The following DOCK9 variants were observed in gnomAD, a reference collection of about 807,000 sequenced individuals.
DOCK9 encodes the protein dedicator of cytokinesis protein 9.
In DOCK9, 89 loss-of-function variants were observed where a neutral mutation model predicts 263.3. The observed-to-expected ratio is 0.34, with a 90% confidence interval of 0.28 to 0.40. The LOEUF (loss-of-function observed/expected upper bound fraction) is 0.40, where lower values mean the gene tolerates loss of function less well. Ranked by LOEUF, DOCK9 falls within the 10% of genes least tolerant of loss-of-function variation. The probability of loss-of-function intolerance (pLI) is 1.00; values close to 1 mark genes in which losing one functional copy is unlikely to be tolerated. For synonymous variants in DOCK9, 976 were observed against 973.1 expected, an observed-to-expected ratio of 1.00 and a Z score of -0.06; for missense variants, 2,140 against 2,603.4, an observed-to-expected ratio of 0.82 and a Z score of 3.87.
chr13:99,020,502 G>T (rs1885965417), intron 1 of DOCK9, among the ~76,000 whole-genome samples: 2 of 152,140 alleles, frequency 1.3e-5, no homozygotes, highest in Admixed American at 1.3e-4. Flanking sequence ...ACAAACCTCA[G>T]CCATGCAGCC....
At chr13:98,885,384 G>A (rs1310686342) in intron 20 of DOCK9, 2 of 528,816 alleles carry the variant, frequency 3.8e-6, no homozygotes, top group Non-Finnish European at 6.8e-6. Context: ...TGGGCAGACT[G>A]CTTGAGCTCA....
chr13:99,045,003 G>A (rs1206484604), intron 1 of DOCK9, among the ~76,000 whole-genome samples: 8 of 152,206 alleles, frequency 5.3e-5, no homozygotes, highest in African/African-American at 1.9e-4. Context: ...CCTTCTTCAA[G>A]AGATGTCTCA....
intron 45 of DOCK9, among the ~76,000 whole-genome samples, chr13:98,813,537 G>C (rs75905642): frequency 0.017 from 2,613 of 152,232 alleles, 36 homozygotes; most frequent in East Asian, 0.051. Flanking sequence ...TTTCAATGCA[G>C]AGCCAGCTAT....
Position 98,999,316 on chromosome 13 carries a change from A to ACACACTCTCT in DOCK9, c.130-43766_130-43765insAGAGAGTGTG. Among the ~76,000 whole-genome samples, 277 of 138,362 alleles carry ACACACTCTCT rather than the reference A, an allele frequency of 2.0e-3. 2 individuals are homozygous for ACACACTCTCT. The highest frequency in any genetic ancestry group is 5.0e-3 in the African/African-American group (177 of 35,540). 90.8% of individuals were successfully genotyped at this position (138,362 alleles called of 152,430 possible). A position where few individuals can be genotyped will look rare whatever the true frequency, so the allele number is the denominator to read the frequency against. On this transcript the variant is annotated intron_variant, in intron 1 of 32. Transcript: ENST00000427887. ...CACACACACACACACACACACACAC[A>ACACACTCTCT]CTCTCTCTCTCTCTCTCTCTGGAAG... is the stretch of plus-strand genomic sequence containing the variant.
intron 3 of DOCK9, among the ~76,000 whole-genome samples, chr13:98,928,365 T>A (rs904209162): frequency 6.6e-6 from 1 of 152,188 alleles, no homozygotes; most frequent in African/African-American, 2.4e-5. Flanking sequence ...AGCCATTAGG[T>A]CATTCCCTGG....
chr13:98,898,626 A>C (rs1051216519), intron 13 of DOCK9, among the ~76,000 whole-genome samples: 2 of 152,232 alleles, frequency 1.3e-5, no homozygotes, highest in African/African-American at 2.4e-5. Context: ...TATCCATATC[A>C]AAATATATCA....
chr13:98,867,870 T>A, intron 29 of DOCK9, 58 bp downstream of exon 29: 1 of 1,444,444 alleles, frequency 6.9e-7, no homozygotes, highest in Non-Finnish European at 9.5e-7. Flanking sequence ...AAAAAGATAA[T>A]TCTACCAGAG....
intron 27 of DOCK9, among the ~76,000 whole-genome samples, chr13:98,874,131 C>T (rs2094262522): frequency 6.6e-6 from 1 of 152,222 alleles, no homozygotes. Flanking sequence ...AGAGAAAGTA[C>T]ATCTGTTGTC....
At chr13:99,045,536 C>A (rs550130260) in intron 1 of DOCK9, among the ~76,000 whole-genome samples, 2 of 152,056 alleles carry the variant, frequency 1.3e-5, no homozygotes, top group African/African-American at 4.8e-5. Context: ...TAAAAAGATA[C>A]AAAATTTCAG....
intron 15 of DOCK9, among the ~76,000 whole-genome samples, chr13:98,891,428 A>G (rs1943509550): frequency 1.3e-5 from 2 of 152,188 alleles, no homozygotes; most frequent in Admixed American, 1.3e-4. Flanking sequence ...TTTATTACAA[A>G]TTATACTTTT....
At chr13:98,941,655 T>C (rs535973769) in intron 2 of DOCK9, among the ~76,000 whole-genome samples, 1 of 152,312 alleles carries the variant, frequency 6.6e-6, no homozygotes, top group Non-Finnish European at 1.5e-5. Flanking sequence ...ACAGGAGAGT[T>C]ACCCAGAAAA....
chr13:98,848,008 G>A (rs2093440875), intron 37 of DOCK9, among the ~76,000 whole-genome samples: 1 of 152,228 alleles, frequency 6.6e-6, no homozygotes. Flanking sequence ...TGGGAGTGAC[G>A]CTACTCACCA....
At chr13:98,834,112 G>C (rs960551110) in intron 39 of DOCK9, among the ~76,000 whole-genome samples, 1 of 152,114 alleles carries the variant, frequency 6.6e-6, no homozygotes, top group African/African-American at 2.4e-5. Context: ...TCTCTGTCTT[G>C]GATTCAGGTT....
upstream of DOCK9, among the ~76,000 whole-genome samples, chr13:98,983,035 T>C (rs1238669032): frequency 2.0e-5 from 3 of 152,180 alleles, no homozygotes; most frequent in Non-Finnish European, 4.4e-5. Context: ...GAGGAATAAA[T>C]CAATTATCTC....
In DOCK9 at chr13:98,881,477, A is replaced by G. The variant is rs2044748814; in HGVS notation, c.2745+81T>C. On this transcript the variant is annotated intron_variant, in intron 25 of 52. Transcript: ENST00000682017. The stretch of plus-strand genomic sequence containing the variant: ...GTTACAAGCACATCCTCAAATAACC[A>G]GGCTTGTGAAAAAATAAGTCCTTAG... The G allele has an allele frequency of 5.3e-6, 6 of 1,129,696 alleles. No homozygotes were observed. The East Asian group carries it at 1.6e-4, about 29-fold the overall frequency. The allele number at this position is 1,129,696 out of a possible 1,614,324, so 70.0% of individuals were successfully genotyped here.
In DOCK9 at chr13:98,883,106, T is replaced by C. The variant is rs762350176; in HGVS notation, c.2495A>G (p.Gln832Arg). Residue 832 changes from glutamine (Q) to arginine (R), a missense_variant, in exon 23 of 53, where the codon CAG becomes CGG. Around this residue, in one of 2 missense-constraint regions of DOCK9, gnomAD observed 1,521 missense variants for 1,741.7 expected, o/e 0.87. Coordinates refer to ENST00000682017, the MANE Select transcript of DOCK9 (RefSeq NM_001366683.2). ...TCCAGATTCGGTTTTCTGACAGTAC[T>C]GGAAAAAATTATGTAAATGCTGATC... ...TQDQHLHNFF[Q>R]YCQKTESGAQ... is the part of the protein sequence containing the mutation. The C allele has an allele frequency of 3.7e-6, 6 of 1,613,626 alleles. No individual in the cohort carries two copies. In the Admixed American group the frequency reaches 5.0e-5, roughly 13 times the overall value.
intron 1 of DOCK9, among the ~76,000 whole-genome samples, chr13:99,071,480 T>A (rs142371946): frequency 0.027 from 4,093 of 151,966 alleles, 89 homozygotes; most frequent in Middle Eastern, 0.044. Flanking sequence ...GAAAACATTA[T>A]TAATCATAAG....
chr13:99,046,781 T>C (rs2040453658), intron 1 of DOCK9, among the ~76,000 whole-genome samples: 1 of 152,246 alleles, frequency 6.6e-6, no homozygotes, highest in African/African-American at 2.4e-5. Context: ...ACTTTCATTC[T>C]TACATCTAAC....
intron 3 of DOCK9, among the ~76,000 whole-genome samples, chr13:98,928,004 C>CAAAAA (rs74265290): frequency 1.6e-5 from 1 of 62,236 alleles, no homozygotes; most frequent in African/African-American, 4.3e-5. Context: ...ATCGCACATA[C>CAAAAA]AAAAAAAAAA....
Sources: gnomAD v4.1 joint callset for allele counts (sites outside exome capture counted in the v4.1 genomes callset) on GRCh38, gnomAD v4.1.1 for gene constraint, gnomAD v4.1.1 regional missense constraint, MANE v1.5 for transcripts, NCBI Gene and HGNC (gene_info 2026-07-23, HGNC 2026-07-21) for gene names.